The following RBMS3 variants were observed in gnomAD, a reference collection of about 807,000 sequenced individuals.
The protein encoded by RBMS3 is RNA-binding motif, single-stranded-interacting protein 3.
A neutral mutation model predicts 66.8 loss-of-function variants in RBMS3; 27 were observed. The observed-to-expected ratio is 0.40, with a 90% CI of 0.30 to 0.56. The LOEUF (loss-of-function observed/expected upper bound fraction) is 0.56, where lower values mean the gene tolerates loss of function less well. Ranked by LOEUF, RBMS3 falls within the 20% of genes least tolerant of loss-of-function variation. RBMS3 has a pLI of 0.40. For missense variants in RBMS3, 513 were observed against 549.5 expected, an observed-to-expected ratio of 0.93 and a Z score of 0.66; for synonymous variants, 188 against 183.0, an observed-to-expected ratio of 1.03 and a Z score of -0.22.
chr3:29,516,185 C>T (rs375573176), intron 3 of RBMS3, among the ~76,000 whole-genome samples: 1 of 152,102 alleles, frequency 6.6e-6, no homozygotes, highest in Non-Finnish European at 1.5e-5. Flanking sequence ...CTGTGATGAT[C>T]GTTTTAGCCG....
At chr3:29,502,828 A>G (rs943752060) in intron 3 of RBMS3, among the ~76,000 whole-genome samples, 9 of 152,144 alleles carry the variant, frequency 5.9e-5, no homozygotes, top group African/African-American at 2.2e-4. Flanking sequence ...GTAGAAAGAC[A>G]AGGTGCAGCT....
chr3:29,690,937 A>G (rs1321665344), intron 4 of RBMS3, among the ~76,000 whole-genome samples: 1 of 152,206 alleles, frequency 6.6e-6, no homozygotes, highest in Non-Finnish European at 1.5e-5. Context: ...GAATGGGAAT[A>G]TATTTTAGAT....
At chr3:29,553,960 G>A (rs1347292161) in intron 3 of RBMS3, among the ~76,000 whole-genome samples, 2 of 152,008 alleles carry the variant, frequency 1.3e-5, no homozygotes, top group East Asian at 1.9e-4. Context: ...TATAATTACT[G>A]TAACCTTCTT....
intron 8 of RBMS3, among the ~76,000 whole-genome samples, chr3:29,886,320 T>C (rs1303392239): frequency 6.6e-6 from 1 of 151,924 alleles, no homozygotes; most frequent in Admixed American, 6.6e-5. Context: ...TTTGGGTGAG[T>C]GTTAATATCC....
intron 1 of RBMS3, among the ~76,000 whole-genome samples, chr3:29,286,153 G>A (rs1452104159): frequency 3.3e-5 from 5 of 152,010 alleles, no homozygotes; most frequent in African/African-American, 7.2e-5. Flanking sequence ...CTTTCGCTTC[G>A]GGGGGTAATA....
intron 11 of RBMS3, among the ~76,000 whole-genome samples, chr3:29,937,397 A>G (rs2061293865): frequency 6.6e-6 from 1 of 152,058 alleles, no homozygotes; most frequent in Admixed American, 6.6e-5. Flanking sequence ...CCCTATAGCA[A>G]TGGCTTGCTT....
intron 1 of RBMS3, among the ~76,000 whole-genome samples, chr3:29,400,553 A>G (rs540800298): frequency 9.9e-5 from 15 of 152,126 alleles, no homozygotes; most frequent in Non-Finnish European, 1.8e-4. Context: ...TTATTCATGT[A>G]TTAATGGCTG....
intron 10 of RBMS3, among the ~76,000 whole-genome samples, chr3:29,900,625 C>T (rs2060230041): frequency 6.6e-6 from 1 of 151,676 alleles, no homozygotes; most frequent in African/African-American, 2.4e-5. Flanking sequence ...AGTTGTGTGA[C>T]AAGGTCTCTG....
chr3:29,586,671 G>A (rs1230302781), intron 3 of RBMS3, among the ~76,000 whole-genome samples: 1 of 152,112 alleles, frequency 6.6e-6, no homozygotes, highest in Non-Finnish European at 1.5e-5. Flanking sequence ...CACTACTGCA[G>A]TTGCTGATAA....
At chr3:29,536,293 T>C (rs1388205261) in intron 3 of RBMS3, among the ~76,000 whole-genome samples, 2 of 152,200 alleles carry the variant, frequency 1.3e-5, no homozygotes, top group African/African-American at 4.8e-5. Flanking sequence ...AATTTTTGTA[T>C]GTGCATGTGA....
At chr3:29,725,855 C>G (rs543215100) in intron 4 of RBMS3, among the ~76,000 whole-genome samples, 8 of 152,012 alleles carry the variant, frequency 5.3e-5, no homozygotes, top group Non-Finnish European at 1.2e-4. Context: ...CCTAACTCAC[C>G]CTATGAGGCC....
chr3:29,580,640 C>A (rs116037749), intron 3 of RBMS3, among the ~76,000 whole-genome samples: 2,074 of 150,814 alleles, frequency 0.014, 42 homozygotes, highest in African/African-American at 0.047. Context: ...GCATCTGGCA[C>A]TATCTTCCTT....
At chr3:29,541,385 C>T (rs2045750422) in intron 3 of RBMS3, among the ~76,000 whole-genome samples, 1 of 152,130 alleles carries the variant, frequency 6.6e-6, no homozygotes, top group African/African-American at 2.4e-5. Flanking sequence ...TCTGCTCTTC[C>T]AGTTGCTTAG....
intron 1 of RBMS3, among the ~76,000 whole-genome samples, chr3:29,403,761 C>A (rs2039905255): frequency 6.6e-6 from 1 of 152,028 alleles, no homozygotes; most frequent in Admixed American, 6.6e-5. Flanking sequence ...TTAAAGATTT[C>A]TATTAATAAA....
chr3:29,605,140 C>A (rs182941684), intron 4 of RBMS3, among the ~76,000 whole-genome samples: 136 of 151,688 alleles, frequency 9.0e-4, no homozygotes, highest in Middle Eastern at 3.4e-3. Context: ...AATTGTTTAT[C>A]CTCCTTTGCT....
chr3:29,737,083 T>C (rs1013054222), intron 4 of RBMS3, among the ~76,000 whole-genome samples: 1 of 152,008 alleles, frequency 6.6e-6, no homozygotes, highest in Middle Eastern at 3.2e-3. Flanking sequence ...TTCACGCCAT[T>C]CTCCTGCCTC....
At chr3:29,577,057 T>C (rs2047145265) in intron 3 of RBMS3, among the ~76,000 whole-genome samples, 1 of 152,180 alleles carries the variant, frequency 6.6e-6, no homozygotes, top group Non-Finnish European at 1.5e-5. Flanking sequence ...CCAAGGCCCA[T>C]AGCAAACAAC....
chr3:29,964,083 C>G (rs1220233762), intron 12 of RBMS3, among the ~76,000 whole-genome samples: 3 of 152,142 alleles, frequency 2.0e-5, no homozygotes, highest in Admixed American at 1.3e-4. Context: ...AAGGAATCCA[C>G]CACGAAGTGT....
At chr3:29,998,846 G>A (rs529829800) in intron 14 of RBMS3, among the ~76,000 whole-genome samples, 1 of 152,236 alleles carries the variant, frequency 6.6e-6, no homozygotes, top group African/African-American at 2.4e-5. Flanking sequence ...ATACCATTCA[G>A]GACATAGGCA....
Sources: gnomAD v4.1 joint callset for allele counts (sites outside exome capture counted in the v4.1 genomes callset) on GRCh38, gnomAD v4.1.1 for gene constraint, MANE v1.5 for transcripts, NCBI Gene and HGNC (gene_info 2026-07-23, HGNC 2026-07-21) for gene names.